Variants in MACF1 observed in about 807,000 individuals in gnomAD.
MACF1 encodes the protein microtubule actin crosslinking factor 1, also known as microtubule-actin cross-linking factor 1.
In MACF1, 193 loss-of-function variants were observed where a neutral mutation model predicts 854.8. The observed-to-expected ratio is 0.23, with a 90% CI of 0.20 to 0.25. MACF1 has a LOEUF of 0.25. MACF1 is among the 10% of genes least tolerant of loss of function. MACF1 has a pLI of 1.00. For synonymous variants in MACF1, 3,185 were observed against 3,226.7 expected, an observed-to-expected ratio of 0.99 and a Z score of 0.44; for missense variants, 7,722 against 8,929.1, an observed-to-expected ratio of 0.86 and a Z score of 5.45.
intron 1 of MACF1, among the ~76,000 whole-genome samples, chr1:39,214,196 CA>C (rs1452662027): frequency 6.6e-6 from 1 of 152,158 alleles, no homozygotes; most frequent in Non-Finnish European, 1.5e-5. Flanking sequence ...CCCTTATCTG[CA>C]GCGGGGCCTT....
chr1:39,275,374 C>T (rs1173501428), intron 6 of MACF1, among the ~76,000 whole-genome samples: 1 of 151,874 alleles, frequency 6.6e-6, no homozygotes, highest in Non-Finnish European at 1.5e-5. Flanking sequence ...AGCCACTGCG[C>T]CTGTAATTTT....
chr1:39,388,306 T>C lies in MACF1; in HGVS notation c.15464T>C (p.Leu5155Pro), dbSNP rs1641879073. Reference protein sequence around the residue: ...MGAIGRDTDSLQSQIEDVRLF... With the variant: ...MGAIGRDTDSPQSQIEDVRLF... Reference sequence around the variant, plus strand: ...GCTATTGGCAGAGACACTGATAGCCTCCAGTCCCAAATCGAGGATGTCCGG... The same window carrying C: ...GCTATTGGCAGAGACACTGATAGCCCCCAGTCCCAAATCGAGGATGTCCGG... Residue 5155 changes from leucine (L) to proline (P), a missense_variant, in exon 58 of 101, where the codon CTC (leucine) becomes CCC (proline). Leu to Pro is a moderately conservative substitution (Grantham distance 98, BLOSUM62 -3). This residue lies in a region of MACF1 where 2,807 missense variants were observed against 3,235.8 expected (regional missense o/e 0.87). Coordinates refer to ENST00000564288, the MANE Select transcript of MACF1 (RefSeq NM_001394062.1). 6.2e-7 allele frequency: 1 copy of C among 1,614,194 alleles called. No homozygotes were observed. The highest frequency in any genetic ancestry group is 8.5e-7 in the Non-Finnish European group (1 of 1,180,026).
chr1:39,427,436 G>T lies in MACF1; in HGVS notation c.16317-19G>T. On this transcript the variant is annotated intron_variant, in intron 61 of 100. Transcript: ENST00000564288. ...TGTGACTTTTCTTCCTGAGCAGCTTGTTCTATATATTTGTGTAGGCAAAAA... is the reference window on the plus strand; with the variant it reads ...TGTGACTTTTCTTCCTGAGCAGCTTTTTCTATATATTTGTGTAGGCAAAAA... 3 of 1,611,624 alleles carry T rather than the reference G, an allele frequency of 1.9e-6. No individual in the cohort carries two copies. The highest frequency in any genetic ancestry group is 2.5e-6 in the Non-Finnish European group (3 of 1,178,864).
intron 6 of MACF1, chr1:39,268,739 A>G: frequency 1.6e-6 from 2 of 1,288,106 alleles, no homozygotes; most frequent in Non-Finnish European, 2.0e-6. Flanking sequence ...CGAAAGAGTC[A>G]ATAGCTATTC....
At chr1:39,389,640 A>T (rs985068769) in intron 58 of MACF1, among the ~76,000 whole-genome samples, 30 of 152,080 alleles carry the variant, frequency 2.0e-4, no homozygotes, top group African/African-American at 7.0e-4. Context: ...GATTACAGGC[A>T]TTAGTCACCG....
intron 6 of MACF1, among the ~76,000 whole-genome samples, chr1:39,280,107 G>A (rs540730037): frequency 6.6e-6 from 1 of 152,034 alleles, no homozygotes; most frequent in East Asian, 1.9e-4. Context: ...CACCTAGGCG[G>A]GAGTGGTCTC....
rs1645607113 is a variant in MACF1 at position 39,284,447 on chromosome 1, T to C, written c.1131+19T>C. The stretch of plus-strand genomic sequence containing the variant: ...ACTAGAGGTAAGTGAGCTTATCCTT[T>C]GCTGAGACTTGGGGTTTGCTGGTCT... On this transcript the variant is annotated intron_variant, in intron 11 of 100. Coordinates refer to ENST00000564288, the MANE Select transcript of MACF1 (RefSeq NM_001394062.1). 1.3e-6 allele frequency: 2 copies of C among 1,521,442 alleles called. No homozygotes were observed. Among genetic ancestry groups the C allele is most frequent in the African/African-American group, 2.8e-5 (2 of 71,760 alleles). 94.2% of individuals were successfully genotyped at this position (1,521,442 alleles called of 1,614,324 possible). A position where few individuals can be genotyped will look rare whatever the true frequency, so the allele number is the denominator to read the frequency against.
chr1:39,254,137 C>T (rs959383179), intron 4 of MACF1, 161 bp from the exon 5 acceptor site: 13 of 613,816 alleles, frequency 2.1e-5, no homozygotes, highest in African/African-American at 1.8e-4. Context: ...GAAACACGTA[C>T]AGGCCTGGTC....
intron 58 of MACF1, among the ~76,000 whole-genome samples, chr1:39,394,274 G>T (rs72661971): frequency 0.2 from 28,009 of 142,538 alleles, 3,143 homozygotes; most frequent in East Asian, 0.25. Context: ...TTGATTGATT[G>T]ATTTATTGCC....
intron 2 of MACF1, among the ~76,000 whole-genome samples, chr1:39,177,009 C>T (rs571224436): frequency 7.3e-4 from 111 of 152,000 alleles, no homozygotes; most frequent in African/African-American, 2.5e-3. Context: ...AAAATTAGTC[C>T]GGTTTCAAAG....
chr1:39,162,416 G>C (rs1473687454), intron 2 of MACF1, among the ~76,000 whole-genome samples: 1 of 152,042 alleles, frequency 6.6e-6, no homozygotes, highest in Non-Finnish European at 1.5e-5. Flanking sequence ...CCTCTGCCTG[G>C]AATCCCATTA....
At chr1:39,374,632 C>G (rs61779282) in intron 52 of MACF1, among the ~76,000 whole-genome samples, 19,501 of 152,054 alleles carry the variant, frequency 0.13, 1,567 homozygotes, top group East Asian at 0.18. Flanking sequence ...CAGCCAAAGA[C>G]AATACATTAA....
intron 27 of MACF1, 43 bp downstream of exon 27, chr1:39,315,734 T>A (rs767850368): frequency 6.3e-7 from 1 of 1,590,500 alleles, no homozygotes; most frequent in Non-Finnish European, 8.6e-7. Context: ...ATATTTTCCA[T>A]TGGGATAAGA....
At chr1:39,239,934 C>T (rs1250582712) in intron 2 of MACF1, among the ~76,000 whole-genome samples, 2 of 152,308 alleles carry the variant, frequency 1.3e-5, no homozygotes, top group Non-Finnish European at 2.9e-5. Flanking sequence ...TTCTGTCTTT[C>T]TGTTTTAAGA....
intron 96 of MACF1, among the ~76,000 whole-genome samples, 165 bp downstream of exon 96, chr1:39,468,897 A>T (rs1039652845): frequency 2.6e-5 from 4 of 152,192 alleles, no homozygotes; most frequent in Non-Finnish European, 5.9e-5. Flanking sequence ...GTGCCAGCAT[A>T]GGCCAGGGAG....
In MACF1 at chr1:39,187,895, T is replaced by TCTCTCTCTGTCTCTCTCTCTCTCTCTCTC. The variant is rs1553160213; in HGVS notation, c.221-43280_221-43279insTGTCTCTCTCTCTCTCTCTCTCCTCTCTC. ...CTCTCTCTCTCTGTCTCTCTCTCTC[T>TCTCTCTCTGTCTCTCTCTCTCTCTCTCTC]CTCTCTCCTCTCTCCTTCCTTCCTT... On this transcript the variant is annotated intron_variant, in intron 2 of 93. Transcript: ENST00000361689. 2.4e-3 allele frequency among the ~76,000 whole-genome samples: 165 copies of TCTCTCTCTGTCTCTCTCTCTCTCTCTCTC among 68,436 alleles called. 2 individuals are homozygous for TCTCTCTCTGTCTCTCTCTCTCTCTCTCTC. Among genetic ancestry groups the TCTCTCTCTGTCTCTCTCTCTCTCTCTCTC allele is most frequent in the African/African-American group, 8.3e-3 (159 of 19,114 alleles). The allele number at this position is 68,436 out of a possible 152,430, so 44.9% of individuals were successfully genotyped here. A position where few individuals can be genotyped will look rare whatever the true frequency, so the allele number is the denominator to read the frequency against.
At chr1:39,287,162 T>C in intron 14 of MACF1, 124 bp from the exon 15 acceptor site, 1 of 1,036,708 alleles carries the variant, frequency 9.6e-7, no homozygotes, top group Non-Finnish European at 1.4e-6. Context: ...GGTTTCACCA[T>C]GTTGTCTAGG....
rs1571340965 is a variant in MACF1, at chr1:39,327,344, A to G, written c.4605A>G (p.Thr1535=). The change falls in exon 36 of 101, where the codon ACA becomes ACG. Residue 1535 remains threonine (T), a synonymous_variant. Transcript: ENST00000564288. ...QQLQSQLAHQ[T]EQKECRAVAG... ...TTCAGAGCCAGTTGGCTCACCAGACAGAACAAAAGGTACTTTTAGTTTTCA... is the reference window on the plus strand; with the variant it reads ...TTCAGAGCCAGTTGGCTCACCAGACGGAACAAAAGGTACTTTTAGTTTTCA... 2 of 1,598,994 alleles carry G rather than the reference A, an allele frequency of 1.3e-6. No individual in the cohort carries two copies.
intron 58 of MACF1, among the ~76,000 whole-genome samples, chr1:39,404,050 A>G (rs1303216947): frequency 6.6e-6 from 1 of 151,932 alleles, no homozygotes; most frequent in Non-Finnish European, 1.5e-5. Context: ...AATCGCTTGA[A>G]CTTGAGAGGC....
Sources: gnomAD v4.1 joint callset for allele counts (sites outside exome capture counted in the v4.1 genomes callset) on GRCh38, gnomAD v4.1.1 for gene constraint, gnomAD v4.1.1 regional missense constraint, MANE v1.5 for transcripts, NCBI Gene and HGNC (gene_info 2026-07-23, HGNC 2026-07-21) for gene names.